The following SEC16A variants were observed in gnomAD, a reference collection of about 807,000 sequenced individuals.
The protein encoded by SEC16A is protein transport protein Sec16A.
In SEC16A, 110 loss-of-function variants were observed where a neutral mutation model predicts 221.9. That is an observed-to-expected ratio of 0.50 (90% confidence interval 0.42 to 0.58). The LOEUF is 0.58. Ranked by LOEUF, SEC16A falls within the 20% of genes least tolerant of loss-of-function variation. The pLI, the probability that SEC16A is intolerant of heterozygous loss-of-function variation, is 0.00. For missense variants in SEC16A, 3,165 were observed against 3,097.8 expected, an observed-to-expected ratio of 1.02 and a Z score of -0.52; for synonymous variants, 1,393 against 1,257.7, an observed-to-expected ratio of 1.11 and a Z score of -2.28.
rs531698822 is a variant in SEC16A, at chr9:136,462,770, C to T, written c.4893+117G>A. ...AAACAGCAAGACCCGAAGCCCCACA[C>T]TGCAGCGCGGATGCTCCCAAGAGGG... On this transcript the variant is annotated intron_variant, in intron 12 of 31. Transcript: ENST00000684901. 5.5e-5 allele frequency: 65 copies of T among 1,184,468 alleles called. 1 individual carries two copies. The African/African-American group carries it at 8.7e-4, about 16-fold the overall frequency. 73.4% of individuals were successfully genotyped at this position (1,184,468 alleles called of 1,614,324 possible).
chr9:136,465,821 T>A (rs1477577498), intron 8 of SEC16A, 141 bp downstream of exon 8: 1 of 883,788 alleles, frequency 1.1e-6, no homozygotes, highest in African/African-American at 1.7e-5. Context: ...ACACCCTGCT[T>A]CTCGGAAGGA....
Position 136,457,459 on chromosome 9 carries a change from G to T in SEC16A, c.5535C>A (p.Ile1845=). The part of the protein sequence containing the change: ...TQPHLYSPVL[I]SQLVQMASQL... The stretch of plus-strand genomic sequence containing the variant: ...GGGGCAGCACCTGCACAAGCTGGCT[G>T]ATCAACACCGGGGAATACAGGTGCG... The change falls in exon 18 of 32, where the codon ATC becomes ATA. Residue 1845 remains isoleucine (I), a synonymous_variant. Transcript: ENST00000684901. 1 of 1,605,144 alleles carries T rather than the reference G, an allele frequency of 6.2e-7. No homozygotes were observed. Among genetic ancestry groups the T allele is most frequent in the East Asian group, 2.2e-5 (1 of 44,458 alleles).
chr9:136,483,150 T>A, upstream of SEC16A: 1 of 382,504 alleles, frequency 2.6e-6, no homozygotes, highest in South Asian at 1.1e-4. Context: ...CGCGTTCTCT[T>A]TCAGCCCTTC....
chr9:136,466,319 T>C lies in SEC16A; in HGVS notation c.4073A>G (p.His1358Arg), dbSNP rs1400883302. 2.5e-6 allele frequency: 4 copies of C among 1,570,496 alleles called. No individual in the cohort carries two copies. The highest frequency in any genetic ancestry group is 3.5e-6 in the Non-Finnish European group (4 of 1,158,542). The change falls in exon 7 of 32, where the codon CAC becomes CGC. Residue 1358 changes from histidine to arginine, a missense_variant. By Grantham distance (29) the His-to-Arg change is conservative. Around this residue, in one of 3 missense-constraint regions of SEC16A, gnomAD observed 2,030 missense variants for 1,923.1 expected, o/e 1.06. Transcript: ENST00000684901. This position sits in a 1 kb window ranked among gnomAD's most constrained non-coding sequence, Gnocchi z 5.5. The stretch of plus-strand genomic sequence containing the variant: ...GCGGCTGGCCAGGCTGTGTGCGCTG[T>C]GCAGGCTCCGTGCCGAGTGCTCGCT... ...VHSEHSARSL[H>R]SAHSLASRRS...
At chr9:136,456,501 G>A (rs1298557500) in intron 18 of SEC16A, among the ~76,000 whole-genome samples, 3 of 152,168 alleles carry the variant, frequency 2.0e-5, no homozygotes, top group Admixed American at 6.5e-5. Context: ...TGCTTTCATC[G>A]GGAATTTGGG....
At chr9:136,444,827 T>A (rs1161114353) in intron 30 of SEC16A, among the ~76,000 whole-genome samples, 1 of 139,094 alleles carries the variant, frequency 7.2e-6, no homozygotes, top group African/African-American at 2.8e-5. Flanking sequence ...GGCGGTGAGC[T>A]GAGATCACAC....
intron 3 of SEC16A, among the ~76,000 whole-genome samples, chr9:136,473,004 T>C (rs1385765258): frequency 6.6e-6 from 1 of 152,212 alleles, no homozygotes; most frequent in Non-Finnish European, 1.5e-5. Flanking sequence ...CTGAATGTCC[T>C]TGTATGGAAA....
At position 136,466,339 on chromosome 9, in the gene SEC16A, C is replaced by T. The variant is rs1236399927; in HGVS notation, c.4053G>A (p.Glu1351=). 1.3e-6 allele frequency: 2 copies of T among 1,576,228 alleles called. No individual in the cohort carries two copies. The highest frequency in any genetic ancestry group is 8.6e-7 in the Non-Finnish European group (1 of 1,161,322). The change falls in exon 7 of 32, where the codon GAG becomes GAA. Residue 1351 remains glutamate, a synonymous_variant. Coordinates refer to ENST00000684901, the MANE Select transcript of SEC16A (RefSeq NM_014866.2). This position sits in a 1 kb window ranked among gnomAD's most constrained non-coding sequence, Gnocchi z 5.5. ...EEVDRRSVHS[E]HSARSLHSAH... ...CGCTGTGCAGGCTCCGTGCCGAGTG[C>T]TCGCTGTGGACGCTGCGCCGGTCCA...
At chr9:136,445,142 C>G in intron 29 of SEC16A, 31 bp from the exon 30 acceptor site, 1 of 1,580,492 alleles carries the variant, frequency 6.3e-7, no homozygotes, top group Non-Finnish European at 8.6e-7. Context: ...ACATAAAACA[C>G]GGACGAAAGT....
At chr9:136,456,988 A>G (rs566950824) in intron 18 of SEC16A, among the ~76,000 whole-genome samples, 1 of 152,334 alleles carries the variant, frequency 6.6e-6, no homozygotes, top group Admixed American at 6.5e-5. Flanking sequence ...CCTGGCCAAC[A>G]TGGTGAAACC....
chr9:136,482,589 C>A (rs1408898693), intron 1 of SEC16A, among the ~76,000 whole-genome samples: 5 of 152,246 alleles, frequency 3.3e-5, no homozygotes, highest in Non-Finnish European at 7.3e-5. Context: ...GCCTTCTAGC[C>A]GGTGAGGACA....
In SEC16A at chr9:136,461,284, G is replaced by A. The variant is rs977325482; in HGVS notation, c.4894-10C>T. On this transcript the variant is annotated splice_polypyrimidine_tract_variant and intron_variant, in intron 12 of 31. Coordinates refer to ENST00000684901, the MANE Select transcript of SEC16A (RefSeq NM_014866.2). ...CAGACTCCAAAGCATCCTGCAAAAG[G>A]CATTTCAGGGACCTTGGTGGGTTAT... The A allele has an allele frequency of 1.3e-6, 2 of 1,584,674 alleles. No homozygotes were observed. Among genetic ancestry groups the A allele is most frequent in the Non-Finnish European group, 1.7e-6 (2 of 1,163,110 alleles).
upstream of SEC16A, chr9:136,483,750 C>T: frequency 1.0e-6 from 1 of 985,412 alleles, no homozygotes; most frequent in Non-Finnish European, 1.2e-6. Context: ...GACGCGGGCG[C>T]GCTCCTCGCA....
Position 136,459,452 on chromosome 9 carries a change from G to T in SEC16A, c.5295C>A (p.Ser1765=). 1 of 1,601,758 alleles carries T rather than the reference G, an allele frequency of 6.2e-7. No individual in the cohort carries two copies. Among genetic ancestry groups the T allele is most frequent in the South Asian group, 1.1e-5 (1 of 89,308 alleles). ...KKTTKLVLIG[S]NHSLPFLKFA... The stretch of plus-strand genomic sequence containing the variant: ...CTGACTTGGTTCTTTACCTGTGATT[G>T]GATCCGATTAAGACAAGCTTTGTAG... Residue 1765 remains serine, a synonymous_variant, in exon 16 of 32, where the codon TCC becomes TCA. Coordinates refer to ENST00000684901, the MANE Select transcript of SEC16A (RefSeq NM_014866.2). The surrounding 1 kb of genome is among the most constrained non-coding windows in gnomAD (Gnocchi z 6.1).
upstream of SEC16A, chr9:136,483,857 C>T: frequency 1.0e-6 from 1 of 959,628 alleles, no homozygotes; most frequent in Non-Finnish European, 1.2e-6. Flanking sequence ...CCGACTGCGC[C>T]TGCGCGCTGG....
intron 22 of SEC16A, among the ~76,000 whole-genome samples, chr9:136,452,772 A>C (rs1455177341): frequency 7.2e-6 from 1 of 138,920 alleles, no homozygotes; most frequent in East Asian, 2.0e-4. Context: ...TCTTAGGGAA[A>C]AAAAAAAAAA....
At chr9:136,469,273 G>T (rs1369935825) in intron 4 of SEC16A, among the ~76,000 whole-genome samples, 2 of 152,164 alleles carry the variant, frequency 1.3e-5, no homozygotes, top group African/African-American at 4.8e-5. Context: ...TGTGCTCCTG[G>T]AGCGGGATTC....
At chr9:136,445,843 C>T in intron 28 of SEC16A, 124 bp from the exon 29 acceptor site, 1 of 831,242 alleles carries the variant, frequency 1.2e-6, no homozygotes, top group Non-Finnish European at 1.9e-6. Context: ...GTAAAGTGCT[C>T]CTCAGAGAGA....
rs1026589912 is a variant in SEC16A at position 136,454,254 on chromosome 9, C to T, written c.5931G>A (p.Pro1977=). 14 of 1,579,344 alleles carry T rather than the reference C, an allele frequency of 8.9e-6. No individual in the cohort carries two copies. Among genetic ancestry groups the T allele is most frequent in the Admixed American group, 7.4e-5 (4 of 54,230 alleles). Reference sequence around the variant, plus strand: ...AGCCAGGACCCGGCTCCAGGGGCCCCGGGGGCAGTGGCACTGGGAACATCG... The same window carrying T: ...AGCCAGGACCCGGCTCCAGGGGCCCTGGGGGCAGTGGCACTGGGAACATCG... ...RVPMFPVPLP[P]GPLEPGPGCV... Residue 1977 remains proline (P), a synonymous_variant, in exon 21 of 32, where the codon CCG becomes CCA. Transcript: ENST00000684901.
Sources: allele counts gnomAD v4.1 joint callset (sites outside exome capture counted in the v4.1 genomes callset), GRCh38; gene constraint gnomAD v4.1.1; regional missense constraint gnomAD v4.1.1; non-coding constraint Gnocchi (gnomAD v3.1); transcripts MANE v1.5; gene names NCBI Gene and HGNC (gene_info 2026-07-23, HGNC 2026-07-21).